Variants in LIFR observed in about 807,000 individuals in gnomAD.
The protein encoded by LIFR is LIF receptor subunit alpha.
A neutral mutation model predicts 122.2 loss-of-function variants in LIFR; 84 were observed. That is an observed-to-expected ratio of 0.69 (90% CI 0.58 to 0.82). The LOEUF (loss-of-function observed/expected upper bound fraction) is 0.82. LIFR is among the 40% of genes least tolerant of loss of function. The pLI is 0.00. For synonymous variants in LIFR, 422 were observed against 434.7 expected (o/e 0.97, Z 0.36); for missense variants, 1,294 against 1,311.6 (o/e 0.99, Z 0.21).
In LIFR at chr5:38,530,679, A is replaced by G. The variant is rs1746958744; in HGVS notation, c.-19-13T>C. 2 of 1,611,350 alleles carry G rather than the reference A, an allele frequency of 1.2e-6. No individual in the cohort carries two copies. Among genetic ancestry groups the G allele is most frequent in the Non-Finnish European group, 8.5e-7 (1 of 1,177,530 alleles). On this transcript the variant is annotated splice_polypyrimidine_tract_variant and intron_variant, in intron 1 of 19. Transcript: ENST00000453190. ...AATGCAGTCAGTCCTAGGTTAGGAG[A>G]GGAATTCCAGATGGTGTTCAGATTG...
intron 11 of LIFR, 78 bp from the exon 12 acceptor site, chr5:38,499,661 T>C: frequency 1.0e-6 from 1 of 974,792 alleles, no homozygotes; most frequent in South Asian, 1.3e-5. Context: ...TTTTCTAGGA[T>C]GTTTGGAATT....
rs760670230 is a variant in LIFR, at chr5:38,510,743, A to T, written c.737-25T>A. The T allele has an allele frequency of 3.8e-6, 6 of 1,577,170 alleles. No homozygotes were observed. In the African/African-American group the frequency reaches 6.8e-5, roughly 18 times the overall value. On this transcript the variant is annotated intron_variant, in intron 6 of 19. Coordinates refer to ENST00000453190, the MANE Select transcript of LIFR (RefSeq NM_001127671.2). ...CCTAGAAAGAAAAAGAGGAATTATA[A>T]ACATTTTATATAGAAGTATTTTACA...
chr5:38,485,764 C>A, intron 17 of LIFR, 55 bp downstream of exon 17: 1 of 1,594,852 alleles, frequency 6.3e-7, no homozygotes, highest in Non-Finnish European at 8.6e-7. Flanking sequence ...CCAAGAATCA[C>A]TAGAACACTA....
chr5:38,507,283 C>A lies in LIFR; in HGVS notation c.992-651G>T, dbSNP rs148720564. Among the ~76,000 whole-genome samples the A allele has an allele frequency of 8.1e-3, 1,226 of 151,038 alleles. 4 individuals carry two copies. Among genetic ancestry groups the A allele is most frequent in the African/African-American group, 0.027 (1,125 of 41,120 alleles). ...CGAGACCTTCAAAGTGATAAATGAG[C>A]CCAGGTGCAGTGGCTCACATCTGTA... On this transcript the variant is annotated intron_variant, in intron 7 of 19. Transcript: ENST00000453190.
chr5:38,523,727 C>T, intron 4 of LIFR, 145 bp from the exon 5 acceptor site: 1 of 688,082 alleles, frequency 1.5e-6, no homozygotes, highest in Non-Finnish European at 2.5e-6. Flanking sequence ...AACTCTAGAA[C>T]CCAGTAATAA....
At chr5:38,557,672 G>C (rs987339270), upstream of LIFR, 2 of 154,712 alleles carry the variant, frequency 1.3e-5, no homozygotes, top group East Asian at 3.8e-4. Context: ...TTTATAAATT[G>C]GCAAAATGAA....
chr5:38,485,699 C>G, intron 17 of LIFR, 120 bp downstream of exon 17: 2 of 1,142,102 alleles, frequency 1.8e-6, no homozygotes, highest in Non-Finnish European at 2.6e-6. Flanking sequence ...CAGCCAAAAA[C>G]TGCAACAAAA....
intron 1 of LIFR, among the ~76,000 whole-genome samples, chr5:38,592,498 A>C (rs961141375): frequency 2.0e-5 from 3 of 152,114 alleles, no homozygotes; most frequent in Non-Finnish European, 4.4e-5. Flanking sequence ...TCTCTACTAA[A>C]AACAAAAAAT....
chr5:38,545,366 ATGTGTG>A (rs1019105569), intron 1 of LIFR, among the ~76,000 whole-genome samples: 1 of 149,238 alleles, frequency 6.7e-6, no homozygotes. Context: ...GTGTGTGTGT[ATGTGTG>A]TGTGTGTATA....
At chr5:38,518,473 A>G (rs1472592942) in intron 5 of LIFR, among the ~76,000 whole-genome samples, 1 of 152,214 alleles carries the variant, frequency 6.6e-6, no homozygotes, top group Admixed American at 6.5e-5. Context: ...TGGTGATCCT[A>G]TAAGATTATA....
Position 38,531,360 on chromosome 5 carries a change from C to A in LIFR, c.-19-694G>T, listed in dbSNP as rs554125085. ...CATTTATTACAACATTGGCACAGGG[C>A]ACCAAAGATCACAAAACATATAAGC... On this transcript the variant is annotated intron_variant, in intron 1 of 19. Coordinates refer to ENST00000453190, the MANE Select transcript of LIFR (RefSeq NM_001127671.2). Among the ~76,000 whole-genome samples, 12 of 151,966 alleles carry A rather than the reference C, an allele frequency of 7.9e-5. No individual in the cohort carries two copies. The East Asian group carries it at 2.3e-3, about 29-fold the overall frequency.
chr5:38,561,479 T>C (rs1748836146), upstream of LIFR, among the ~76,000 whole-genome samples: 1 of 152,218 alleles, frequency 6.6e-6, no homozygotes, highest in African/African-American at 2.4e-5. Context: ...AATGAGTTAA[T>C]TCCTATCAAA....
chr5:38,549,180 T>TG (rs1163169319), intron 1 of LIFR, among the ~76,000 whole-genome samples: 1 of 151,736 alleles, frequency 6.6e-6, no homozygotes, highest in African/African-American at 2.4e-5. Context: ...TTTCCACACA[T>TG]GAAAGACAGT....
chr5:38,591,736 A>G (rs1002809429), intron 1 of LIFR, among the ~76,000 whole-genome samples: 2 of 152,228 alleles, frequency 1.3e-5, no homozygotes, highest in Non-Finnish European at 2.9e-5. Context: ...AAGTTGGTGT[A>G]TTCGTCACAA....
In LIFR at chr5:38,605,888, T is replaced by C; in HGVS notation, n.305+317A>G. On this transcript the variant is annotated intron_variant and non_coding_transcript_variant, in intron 2 of 3. Coordinates refer to the LIFR transcript ENST00000507786. Reference sequence around the variant, plus strand: ...ACAGAACCAATGTACATGTTACGTATATTGATTGATGTCTCATGTCTTCCT... The same window carrying C: ...ACAGAACCAATGTACATGTTACGTACATTGATTGATGTCTCATGTCTTCCT... 1.3e-5 allele frequency among the ~76,000 whole-genome samples: 2 copies of C among 152,214 alleles called. 1 individual carries two copies. Among genetic ancestry groups the C allele is most frequent in the African/African-American group, 4.8e-5 (2 of 41,448 alleles).
intron 1 of LIFR, among the ~76,000 whole-genome samples, chr5:38,590,980 C>A (rs1749904589): frequency 6.6e-6 from 1 of 152,176 alleles, no homozygotes; most frequent in Non-Finnish European, 1.5e-5. Context: ...AATGTACAGT[C>A]AGCTGAGGGA....
At position 38,477,130 on chromosome 5, in the gene LIFR, C is replaced by T. The variant is rs556352612; in HGVS notation, c.*4465G>A. ...AGTTCATCTGTAATAAGCATGAATA[C>T]GACCATGTAATAATTAATAGCACTA... On this transcript the variant is annotated 3_prime_UTR_variant, in exon 20 of 20. Transcript: ENST00000453190. 3.6e-5 allele frequency: 8 copies of T among 220,988 alleles called. No individual in the cohort carries two copies. Among genetic ancestry groups the T allele is most frequent in the East Asian group, 1.3e-4 (2 of 14,968 alleles). The allele number at this position is 220,988 out of a possible 1,614,324, so 13.7% of individuals were successfully genotyped here.
intron 3 of LIFR, among the ~76,000 whole-genome samples, chr5:38,527,536 T>TG: frequency 6.6e-6 from 1 of 152,286 alleles, no homozygotes; most frequent in East Asian, 1.9e-4. Context: ...TCCAAACAGC[T>TG]GGAGTTTTTG....
At chr5:38,592,401 T>C (rs1311048455) in intron 1 of LIFR, among the ~76,000 whole-genome samples, 1 of 152,232 alleles carries the variant, frequency 6.6e-6, no homozygotes, top group African/African-American at 2.4e-5. Flanking sequence ...CTCACGCCTG[T>C]AATCCTAGCA....
Sources: gnomAD v4.1 joint callset for allele counts (sites outside exome capture counted in the v4.1 genomes callset) on GRCh38, gnomAD v4.1.1 for gene constraint, MANE v1.5 for transcripts, NCBI Gene and HGNC (gene_info 2026-07-23, HGNC 2026-07-21) for gene names.